Variants in PPARG observed in about 807,000 individuals in gnomAD.
PPARG encodes the protein peroxisome proliferator activated receptor gamma, also known as peroxisome proliferator-activated receptor gamma.
Under a neutral mutation model 39.2 loss-of-function variants are expected in PPARG, and 17 were observed. That is an observed-to-expected ratio of 0.43 (90% confidence interval 0.30 to 0.65). PPARG has a LOEUF of 0.65. Among genes scored for constraint, PPARG ranks in the 30% least tolerant of loss-of-function variants. The pLI is 0.13. For synonymous variants in PPARG, 223 were observed against 215.7 expected (o/e 1.03, Z -0.30); for missense variants, 406 against 585.9 (o/e 0.69, Z 3.17).
chr3:12,319,390 G>A (rs2047476633), intron 2 of PPARG, among the ~76,000 whole-genome samples: 1 of 152,120 alleles, frequency 6.6e-6, no homozygotes, highest in African/African-American at 2.4e-5. Context: ...CATTTTGTAG[G>A]AGTATAAAAA....
chr3:12,433,603 A>C (rs2051742907), intron 7 of PPARG, among the ~76,000 whole-genome samples: 1 of 152,028 alleles, frequency 6.6e-6, no homozygotes, highest in Non-Finnish European at 1.5e-5. Flanking sequence ...AGCAGAGGAA[A>C]CTTCATTTGG....
intron 2 of PPARG, among the ~76,000 whole-genome samples, chr3:12,355,673 T>C (rs577566334): frequency 1.3e-5 from 2 of 152,334 alleles, no homozygotes; most frequent in Admixed American, 6.5e-5. Flanking sequence ...TCCAAAATTA[T>C]GAATTATAGG....
intron 2 of PPARG, among the ~76,000 whole-genome samples, chr3:12,324,752 A>G (rs543627255): frequency 1.6e-4 from 24 of 152,188 alleles, no homozygotes; most frequent in Non-Finnish European, 3.5e-4. Flanking sequence ...TCATAGGTAC[A>G]AAGAAACTTT....
chr3:12,314,015 G>T (rs374244898), intron 2 of PPARG, among the ~76,000 whole-genome samples: 2 of 152,170 alleles, frequency 1.3e-5, no homozygotes, highest in African/African-American at 4.8e-5. Context: ...GGTGGCTCAC[G>T]CCTGTAATCC....
intron 4 of PPARG, among the ~76,000 whole-genome samples, chr3:12,389,658 A>G (rs770247183): frequency 2.0e-4 from 31 of 152,090 alleles, no homozygotes; most frequent in Non-Finnish European, 4.3e-4. Flanking sequence ...TGGGAGGCCA[A>G]GGTGGGTGGA....
chr3:12,292,765 T>C (rs1389681300), intron 1 of PPARG, among the ~76,000 whole-genome samples: 1 of 152,158 alleles, frequency 6.6e-6, no homozygotes, highest in East Asian at 1.9e-4. Flanking sequence ...GGGAAGTTAC[T>C]GGTAACAGCA....
At chr3:12,306,154 A>G (rs2047057466) in intron 1 of PPARG, among the ~76,000 whole-genome samples, 1 of 152,144 alleles carries the variant, frequency 6.6e-6, no homozygotes, top group African/African-American at 2.4e-5. Context: ...TCAGGATGAA[A>G]CTGTTCCACC....
chr3:12,406,955 A>T (rs2050695484), intron 6 of PPARG: 1 of 152,132 alleles, frequency 6.6e-6, no homozygotes, highest in South Asian at 2.1e-4. Flanking sequence ...ACATCTGTTC[A>T]CTCATTGAGC....
intron 1 of PPARG, among the ~76,000 whole-genome samples, chr3:12,298,287 A>C: frequency 9.4e-6 from 1 of 106,360 alleles, no homozygotes. Flanking sequence ...CGACAGAGCG[A>C]GACTCTGTCT....
At chr3:12,393,669 T>G (rs1374843516) in intron 5 of PPARG, among the ~76,000 whole-genome samples, 1 of 152,128 alleles carries the variant, frequency 6.6e-6, no homozygotes, top group Non-Finnish European at 1.5e-5. Context: ...TTTCATTTCA[T>G]CAGCTATCCT....
At chr3:12,302,569 TA>T (rs1453717665) in intron 1 of PPARG, among the ~76,000 whole-genome samples, 1 of 152,028 alleles carries the variant, frequency 6.6e-6, no homozygotes, top group Non-Finnish European at 1.5e-5. Context: ...AAAGAGAAAA[TA>T]ATTTCCAGTA....
intron 2 of PPARG, among the ~76,000 whole-genome samples, chr3:12,315,686 A>G (rs114138182): frequency 0.012 from 1,902 of 152,246 alleles, 54 homozygotes; most frequent in African/African-American, 0.044. Flanking sequence ...ACACACTCCC[A>G]TCCCTACCTC....
chr3:12,358,547 A>G (rs1296215369), intron 2 of PPARG, among the ~76,000 whole-genome samples: 1 of 152,180 alleles, frequency 6.6e-6, no homozygotes, highest in Non-Finnish European at 1.5e-5. Flanking sequence ...TTCACTGGAC[A>G]TTATCTTACT....
chr3:12,302,016 G>A (rs1051396571), intron 1 of PPARG, among the ~76,000 whole-genome samples: 1 of 152,324 alleles, frequency 6.6e-6, no homozygotes, highest in South Asian at 2.1e-4. Context: ...CGTGAGCCAA[G>A]AAGGGGTAGT....
chr3:12,334,079 T>C (rs1332907107), intron 2 of PPARG, among the ~76,000 whole-genome samples: 1 of 152,182 alleles, frequency 6.6e-6, no homozygotes, highest in Non-Finnish European at 1.5e-5. Context: ...TGCAGCTTCT[T>C]TCTCCCAGAA....
At chr3:12,310,101 C>T (rs968153430) in intron 1 of PPARG, among the ~76,000 whole-genome samples, 3 of 152,140 alleles carry the variant, frequency 2.0e-5, no homozygotes, top group Non-Finnish European at 4.4e-5. Flanking sequence ...TTCTAAGATA[C>T]AGTGCAGTTC....
At chr3:12,315,392 C>T (rs1463122753) in intron 2 of PPARG, among the ~76,000 whole-genome samples, 1 of 152,164 alleles carries the variant, frequency 6.6e-6, no homozygotes, top group Admixed American at 6.6e-5. Context: ...AGTGTATCAA[C>T]ACTGATAATT....
intron 6 of PPARG, among the ~76,000 whole-genome samples, chr3:12,408,060 T>C (rs4135282): frequency 6.6e-6 from 1 of 152,190 alleles, no homozygotes; most frequent in Non-Finnish European, 1.5e-5. Context: ...ATGCAGGTTT[T>C]CTGGCCTCTA....
At chr3:12,338,401 A>G (rs1187505643) in intron 2 of PPARG, among the ~76,000 whole-genome samples, 4 of 152,168 alleles carry the variant, frequency 2.6e-5, no homozygotes, top group Non-Finnish European at 5.9e-5. Flanking sequence ...TTATTTTATT[A>G]CTATATAGAT....
Sources: gnomAD v4.1 joint callset for allele counts (sites outside exome capture counted in the v4.1 genomes callset) on GRCh38, gnomAD v4.1.1 for gene constraint, MANE v1.5 for transcripts, NCBI Gene and HGNC (gene_info 2026-07-23, HGNC 2026-07-21) for gene names.